DNASE2B: variants seen among roughly 807,000 people sequenced by gnomAD.
DNASE2B encodes deoxyribonuclease-2-beta.
Under a neutral mutation model 46.0 loss-of-function variants are expected in DNASE2B, and 43 were observed. The ratio of observed to expected loss-of-function variants is 0.94; its 90% CI spans 0.73 to 1.21. The LOEUF is 1.21. DNASE2B is among the 50% of genes most tolerant of loss of function. DNASE2B has a pLI of 0.00. For missense variants in DNASE2B, 395 were observed against 414.4 expected (o/e 0.95, Z 0.41); for synonymous variants, 156 against 152.5 (o/e 1.02, Z -0.17).
intron 5 of DNASE2B, among the ~76,000 whole-genome samples, chr1:84,413,727 A>G (rs1558505153): frequency 6.6e-6 from 1 of 152,156 alleles, no homozygotes; most frequent in Non-Finnish European, 1.5e-5. Flanking sequence ...CTCTATACTG[A>G]CTGATGTATT....
chr1:84,403,434 G>A (rs908753685), intron 2 of DNASE2B, among the ~76,000 whole-genome samples: 1 of 152,010 alleles, frequency 6.6e-6, no homozygotes, highest in Non-Finnish European at 1.5e-5. Context: ...GAATCATTAA[G>A]GAAGAGAGAA....
chr1:84,411,952 A>T (rs1045006091), intron 4 of DNASE2B, among the ~76,000 whole-genome samples: 1 of 152,164 alleles, frequency 6.6e-6, no homozygotes, highest in Non-Finnish European at 1.5e-5. Context: ...TAGAAGAAAA[A>T]ATATATGGTC....
intron 5 of DNASE2B, 43 bp downstream of exon 5, chr1:84,412,589 T>C (rs1680620869): frequency 6.7e-7 from 1 of 1,497,742 alleles, no homozygotes; most frequent in South Asian, 1.3e-5. Context: ...ATAATTCTGC[T>C]GTTGAACTGA....
intron 3 of DNASE2B, among the ~76,000 whole-genome samples, chr1:84,410,299 C>A (rs184612389): frequency 7.9e-4 from 121 of 152,226 alleles, no homozygotes; most frequent in African/African-American, 2.7e-3. Context: ...GCACAGCTTC[C>A]TTTTTGTCTC....
rs1022054184 is a variant in DNASE2B at position 84,415,001 on chromosome 1, C to T, written c.*133C>T. On this transcript the variant is annotated 3_prime_UTR_variant, in exon 6 of 6. Transcript: ENST00000370665. ...ATATCACAAAATAAAACATTTTTCT[C>T]TCATGTTTACCATTTAATCTTCTAT... 7 of 642,716 alleles carry T rather than the reference C, an allele frequency of 1.1e-5. No individual in the cohort carries two copies. Among genetic ancestry groups the T allele is most frequent in the East Asian group, 5.6e-5 (2 of 35,974 alleles). The allele number at this position is 642,716 out of a possible 1,614,324, so 39.8% of individuals were successfully genotyped here.
intron 5 of DNASE2B, among the ~76,000 whole-genome samples, chr1:84,413,942 T>C (rs1469041435): frequency 1.3e-5 from 2 of 152,222 alleles, no homozygotes; most frequent in African/African-American, 4.8e-5. Context: ...AACACTCACA[T>C]GTATTGTATC....
At chr1:84,408,631 A>G in intron 3 of DNASE2B, 113 bp downstream of exon 3, 1 of 735,190 alleles carries the variant, frequency 1.4e-6, no homozygotes, top group East Asian at 3.4e-5. Flanking sequence ...TCTTCTTAAT[A>G]GTTTATTTGA....
At chr1:84,409,091 G>GT (rs1239155610) in intron 3 of DNASE2B, among the ~76,000 whole-genome samples, 2 of 151,282 alleles carry the variant, frequency 1.3e-5, no homozygotes, top group East Asian at 3.9e-4. Flanking sequence ...TTGCATATGT[G>GT]TTTGTGAACT....
intron 2 of DNASE2B, among the ~76,000 whole-genome samples, chr1:84,407,414 G>A (rs755662702): frequency 8.6e-5 from 13 of 151,818 alleles, no homozygotes; most frequent in Non-Finnish European, 1.8e-4. Context: ...CTTACTTTTC[G>A]GGGCATTCCT....
chr1:84,399,803 G>C (rs549167923), intron 1 of DNASE2B, among the ~76,000 whole-genome samples: 33 of 152,298 alleles, frequency 2.2e-4, no homozygotes, highest in African/African-American at 7.2e-4. Flanking sequence ...GTTTGAACTT[G>C]ACATTGAAAG....
chr1:84,402,187 C>T (rs373557355), intron 2 of DNASE2B, 109 bp downstream of exon 2: 10 of 1,097,762 alleles, frequency 9.1e-6, no homozygotes, highest in Non-Finnish European at 1.3e-5. Flanking sequence ...AATCCTAGCA[C>T]CTTGAAGTGA....
Position 84,412,385 on chromosome 1 carries a change from G to T in DNASE2B, c.584G>T (p.Ser195Ile). ...TTGGTCTGCAACCCCAACGTCTATA[G>T]CTGCTCCATCCCAGCCACCTTTCAC... Reference protein sequence around the residue: ...QLLVCNPNVYSCSIPATFHQE... With the variant: ...QLLVCNPNVYICSIPATFHQE... Residue 195 changes from serine (S) to isoleucine (I), a missense_variant, in exon 5 of 6, where the codon AGC (serine) becomes ATC (isoleucine). Transcript: ENST00000370665. The T allele has an allele frequency of 1.9e-6, 3 of 1,610,420 alleles. No homozygotes were observed. The highest frequency in any genetic ancestry group is 2.5e-6 in the Non-Finnish European group (3 of 1,177,906).
In DNASE2B at chr1:84,412,647, T is replaced by C. The variant is rs868464862; in HGVS notation, c.745+101T>C. 10 of 1,168,110 alleles carry C rather than the reference T, an allele frequency of 8.6e-6. No individual in the cohort carries two copies. In the Middle Eastern group the frequency reaches 1.6e-3, roughly 185 times the overall value. 72.4% of individuals were successfully genotyped at this position (1,168,110 alleles called of 1,614,324 possible). On this transcript the variant is annotated intron_variant, in intron 5 of 5. Coordinates refer to ENST00000370665, the MANE Select transcript of DNASE2B (RefSeq NM_021233.3). ...TTTTGAGTATTCAGAGAAAGAGAGA[T>C]GAAAAAAGGGAGCAAAAGAAAAGGA...
rs1032541518 is a variant in DNASE2B at position 84,401,967 on chromosome 1, G to A, written c.192G>A (p.Leu64=). Residue 64 remains leucine (L), a synonymous_variant, in exon 2 of 6, where the codon CTG becomes CTA. Transcript: ENST00000370665. ...KESGETGLEY[L]YLDSTTRSWR... is the part of the protein sequence containing the mutation. ...GTGGAGAGACTGGGTTAGAGTACCTGTACCTAGACTCTACAACTAGAAGCT... is the reference window on the plus strand; with the variant it reads ...GTGGAGAGACTGGGTTAGAGTACCTATACCTAGACTCTACAACTAGAAGCT... The A allele has an allele frequency of 6.2e-7, 1 of 1,604,056 alleles. No individual in the cohort carries two copies. Among genetic ancestry groups the A allele is most frequent in the South Asian group, 1.1e-5 (1 of 88,428 alleles).
intron 1 of DNASE2B, among the ~76,000 whole-genome samples, chr1:84,399,531 C>A (rs1271231826): frequency 2.6e-5 from 4 of 152,026 alleles, no homozygotes; most frequent in African/African-American, 9.7e-5. Flanking sequence ...AACAGAGAGC[C>A]CAGAAAACTT....
At chr1:84,410,439 T>C (rs1210387382) in intron 3 of DNASE2B, among the ~76,000 whole-genome samples, 1 of 152,244 alleles carries the variant, frequency 6.6e-6, no homozygotes, top group Non-Finnish European at 1.5e-5. Flanking sequence ...TGTTTTTTAG[T>C]CAGCTTTTGA....
intron 2 of DNASE2B, among the ~76,000 whole-genome samples, chr1:84,406,655 G>T (rs1269564231): frequency 6.6e-6 from 1 of 152,194 alleles, no homozygotes; most frequent in African/African-American, 2.4e-5. Flanking sequence ...TGCCTGATTG[G>T]CATAGAGCCA....
At chr1:84,404,147 C>T (rs1246392) in intron 2 of DNASE2B, among the ~76,000 whole-genome samples, 80,277 of 151,794 alleles carry the variant, frequency 0.53, 21,268 homozygotes, top group East Asian at 0.61. Context: ...TAATATTGAT[C>T]TGTGTTCTTG....
chr1:84,413,191 T>A (rs147491672), intron 5 of DNASE2B, among the ~76,000 whole-genome samples: 219 of 152,212 alleles, frequency 1.4e-3, no homozygotes, highest in African/African-American at 5.1e-3. Context: ...AAAGCATCTA[T>A]AGCTCTATTT....
Sources: gnomAD v4.1 joint callset for allele counts (sites outside exome capture counted in the v4.1 genomes callset) on GRCh38, gnomAD v4.1.1 for gene constraint, MANE v1.5 for transcripts, NCBI Gene and HGNC (gene_info 2026-07-23, HGNC 2026-07-21) for gene names.